Variants in ANK3 observed in about 807,000 individuals in gnomAD.
The protein encoded by ANK3 is ankyrin 3.
In ANK3, 57 loss-of-function variants were observed where a neutral mutation model predicts 370.9. That is an observed-to-expected ratio of 0.15 (90% CI 0.12 to 0.19). ANK3 has a LOEUF of 0.19. Among genes scored for constraint, ANK3 ranks in the 10% least tolerant of loss-of-function variants. ANK3 has a pLI of 1.00. For synonymous variants in ANK3, 1,929 were observed against 1,946.3 expected, an observed-to-expected ratio of 0.99 and a Z score of 0.23; for missense variants, 4,439 against 5,302.1, an observed-to-expected ratio of 0.84 and a Z score of 5.06.
chr10:60,727,627 T>C (rs756805374), intron 1 of ANK3, among the ~76,000 whole-genome samples: 31 of 152,214 alleles, frequency 2.0e-4, no homozygotes, highest in Non-Finnish European at 3.5e-4. Flanking sequence ...AACAAGAATC[T>C]ATTATGCTTA....
intron 1 of ANK3, among the ~76,000 whole-genome samples, chr10:60,729,161 A>T (rs961717689): frequency 6.6e-6 from 1 of 152,186 alleles, no homozygotes; most frequent in East Asian, 1.9e-4. Context: ...TAGATTCTTA[A>T]CTTAACAAAC....
At chr10:60,596,919 A>G (rs1352118853) in intron 2 of ANK3, among the ~76,000 whole-genome samples, 2 of 152,176 alleles carry the variant, frequency 1.3e-5, no homozygotes, top group Admixed American at 6.5e-5. Flanking sequence ...CCAAAATTAA[A>G]TCAGATTTAT....
In ANK3 at chr10:60,289,014, T is replaced by C. The variant is rs77096068; in HGVS notation, c.115-9375A>G. On this transcript the variant is annotated intron_variant, in intron 1 of 43. Coordinates refer to ENST00000280772, the MANE Select transcript of ANK3 (RefSeq NM_020987.5). ...CAAACTGATCTCCTTTGGTGGCACA[T>C]TAAGTTCTCCTTCACCAAAGGAGAA... Among the ~76,000 whole-genome samples, 182 of 152,120 alleles carry C rather than the reference T, an allele frequency of 1.2e-3. 1 individual carries two copies. Among genetic ancestry groups the C allele is most frequent in the African/African-American group, 4.3e-3 (179 of 41,516 alleles).
chr10:60,132,762 G>GTGT (rs2094151971), intron 25 of ANK3, among the ~76,000 whole-genome samples: 3 of 151,770 alleles, frequency 2.0e-5, no homozygotes, highest in Non-Finnish European at 4.4e-5. Flanking sequence ...GATTACAGAT[G>GTGT]CCCACCACGA....
At chr10:60,153,087 T>C (rs1391691097) in intron 23 of ANK3, among the ~76,000 whole-genome samples, 2 of 152,112 alleles carry the variant, frequency 1.3e-5, no homozygotes, top group African/African-American at 4.8e-5. Context: ...AACAGTAGAG[T>C]GGATAACTCA....
chr10:60,309,922 C>CTTTTTTTTTTTTTTTTTTT (rs71015785), intron 1 of ANK3, among the ~76,000 whole-genome samples: 6 of 134,270 alleles, frequency 4.5e-5, no homozygotes, highest in Non-Finnish European at 6.4e-5. Context: ...TTTCTTTTTT[C>CTTTTTTTTTTTTTTTTTTT]TTTTTTTTTT....
At chr10:60,481,812 CATACCATACTTT>C (rs2075225309) in intron 2 of ANK3, among the ~76,000 whole-genome samples, 1 of 152,186 alleles carries the variant, frequency 6.6e-6, no homozygotes, top group South Asian at 2.1e-4. Flanking sequence ...CAAAAGCCGT[CATACCATACTTT>C]CATTTGCATC....
intron 2 of ANK3, among the ~76,000 whole-genome samples, chr10:60,562,452 C>T (rs2077359795): frequency 6.6e-6 from 1 of 152,070 alleles, no homozygotes; most frequent in Admixed American, 6.6e-5. Flanking sequence ...CTCGCTCTGC[C>T]TCCCAGGCTG....
At position 60,072,040 on chromosome 10, in the gene ANK3, C is replaced by T; in HGVS notation, c.8841G>A (p.Gln2947=). 3.1e-6 allele frequency: 5 copies of T among 1,614,126 alleles called. No individual in the cohort carries two copies. Among genetic ancestry groups the T allele is most frequent in the Non-Finnish European group, 4.2e-6 (5 of 1,180,006 alleles). The change falls in exon 37 of 44, where the codon CAG becomes CAA. Residue 2947 remains glutamine, a synonymous_variant. Transcript: ENST00000280772. ...CTGAGCTCTCGCTCCTCCTGGAAGG[C>T]TGATCAAGCAATCCGCCTGGATGGT... is the stretch of plus-strand genomic sequence containing the variant. ...EGDHPGGLLD[Q]PSRRSESSAV... is the part of the protein sequence containing the mutation.
chr10:60,052,439 TGAGA>T (rs1483444244), intron 42 of ANK3, among the ~76,000 whole-genome samples: 3 of 152,240 alleles, frequency 2.0e-5, no homozygotes, highest in African/African-American at 4.8e-5. Context: ...TAACTGGTAC[TGAGA>T]AAGAATTTAA....
intron 2 of ANK3, among the ~76,000 whole-genome samples, chr10:60,561,345 G>A (rs981044739): frequency 1.3e-4 from 20 of 152,088 alleles, no homozygotes; most frequent in African/African-American, 1.7e-4. Context: ...TTTTATTTCC[G>A]TTTTATTGAG....
intron 2 of ANK3, among the ~76,000 whole-genome samples, chr10:60,461,588 T>C (rs546815402): frequency 3.9e-5 from 6 of 152,250 alleles, no homozygotes; most frequent in Admixed American, 3.9e-4. Flanking sequence ...CGTCTAGGTG[T>C]ATGCCCTGAC....
chr10:60,349,381 G>A (rs2056404959), intron 1 of ANK3, among the ~76,000 whole-genome samples: 1 of 152,128 alleles, frequency 6.6e-6, no homozygotes, highest in Non-Finnish European at 1.5e-5. Context: ...CAAAACTGAA[G>A]CAAATAGGAA....
chr10:60,435,226 A>G (rs1285521914), intron 2 of ANK3, among the ~76,000 whole-genome samples: 3 of 152,148 alleles, frequency 2.0e-5, no homozygotes, highest in Non-Finnish European at 4.4e-5. Context: ...ATTGGAATGT[A>G]TATTTTTGAA....
rs141741941 is a variant in ANK3, at chr10:60,158,685, C to CTTTTTTTTTTTTTT, written c.2614+7905_2614+7906insAAAAAAAAAAAAAA. Among the ~76,000 whole-genome samples the CTTTTTTTTTTTTTT allele has an allele frequency of 2.3e-3, 310 of 132,702 alleles. 12 individuals carry two copies. Among genetic ancestry groups the CTTTTTTTTTTTTTT allele is most frequent in the African/African-American group, 6.6e-3 (225 of 34,224 alleles). The allele number at this position is 132,702 out of a possible 152,430, so 87.1% of individuals were successfully genotyped here. On this transcript the variant is annotated intron_variant, in intron 23 of 43. Coordinates refer to ENST00000280772, the MANE Select transcript of ANK3 (RefSeq NM_020987.5). ...TACTACAAGAGAAAGCACTTTTTTTCTTTTTTTTGAGACAGAATCTCATTC... is the reference window on the plus strand; with the variant it reads ...TACTACAAGAGAAAGCACTTTTTTTCTTTTTTTTTTTTTTTTTTTTTTGAGACAGAATCTCATTC...
chr10:60,468,570 C>T (rs924673048), intron 2 of ANK3, among the ~76,000 whole-genome samples: 1 of 151,894 alleles, frequency 6.6e-6, no homozygotes, highest in Admixed American at 6.6e-5. Flanking sequence ...AAAATTTTTC[C>T]CTGACCAATC....
At chr10:60,105,193 G>A (rs1338385694) in intron 28 of ANK3, among the ~76,000 whole-genome samples, 2 of 150,828 alleles carry the variant, frequency 1.3e-5, no homozygotes, top group Non-Finnish European at 3.0e-5. Flanking sequence ...ACGTTATGGT[G>A]AGCCTGTTCT....
At chr10:60,214,946 C>A (rs61847661) in intron 8 of ANK3, among the ~76,000 whole-genome samples, 129 of 152,266 alleles carry the variant, frequency 8.5e-4, no homozygotes, top group South Asian at 1.7e-3. Flanking sequence ...TACTGTGTTC[C>A]ACAATGATTG....
At chr10:60,321,345 A>T (rs2048598789) in intron 1 of ANK3, among the ~76,000 whole-genome samples, 1 of 151,842 alleles carries the variant, frequency 6.6e-6, no homozygotes. Flanking sequence ...ACATGCAGTA[A>T]GACCCTATCT....
Sources: allele counts gnomAD v4.1 joint callset (sites outside exome capture counted in the v4.1 genomes callset), GRCh38; gene constraint gnomAD v4.1.1; transcripts MANE v1.5; gene names NCBI Gene and HGNC (gene_info 2026-07-23, HGNC 2026-07-21).